Variants in SH3PXD2B observed in about 807,000 individuals in gnomAD.
The protein encoded by SH3PXD2B is SH3 and PX domain-containing protein 2B.
In SH3PXD2B, 37 loss-of-function variants were observed where a neutral mutation model predicts 73.1. That is an observed-to-expected ratio of 0.51 (90% CI 0.39 to 0.67). The LOEUF is 0.67. SH3PXD2B is among the 30% of genes least tolerant of loss of function. The pLI, the probability that SH3PXD2B is intolerant of heterozygous loss-of-function variation, is 0.00. For synonymous variants in SH3PXD2B, 457 were observed against 480.5 expected, an observed-to-expected ratio of 0.95 and a Z score of 0.64; for missense variants, 1,053 against 1,197.8, an observed-to-expected ratio of 0.88 and a Z score of 1.78.
chr5:172,369,463 G>A (rs1757653581), intron 6 of SH3PXD2B, among the ~76,000 whole-genome samples: 1 of 152,032 alleles, frequency 6.6e-6, no homozygotes, highest in African/African-American at 2.4e-5. Context: ...CTGAATGAAG[G>A]AAGGAACAGT....
intron 1 of SH3PXD2B, among the ~76,000 whole-genome samples, chr5:172,439,022 T>G (rs1035366227): frequency 1.3e-5 from 2 of 151,562 alleles, no homozygotes; most frequent in African/African-American, 4.9e-5. Context: ...GCAGATCACC[T>G]GAGGTCGGGA....
chr5:172,412,479 T>C (rs1758723030), intron 2 of SH3PXD2B, among the ~76,000 whole-genome samples: 2 of 152,236 alleles, frequency 1.3e-5, no homozygotes, highest in Admixed American at 6.5e-5. Context: ...ATCCTCCTAT[T>C]TAAACCACAT....
At chr5:172,386,562 T>C (rs1214052983) in intron 4 of SH3PXD2B, among the ~76,000 whole-genome samples, 1 of 146,756 alleles carries the variant, frequency 6.8e-6, no homozygotes, top group Admixed American at 6.9e-5. Context: ...AAAAACGTTT[T>C]CTGTTGTTGT....
rs545803015 is a variant in SH3PXD2B, at chr5:172,428,173, C to G, written c.76-5677G>C. ...AAAACTTTCTCCATGGCACAGCCTT[C>G]AAAACATGAGCTGCACATCTGAGAA... On this transcript the variant is annotated intron_variant, in intron 1 of 12. Coordinates refer to ENST00000311601, the MANE Select transcript of SH3PXD2B (RefSeq NM_001017995.3). Among the ~76,000 whole-genome samples, 7 of 152,306 alleles carry G rather than the reference C, an allele frequency of 4.6e-5. No individual in the cohort carries two copies. The East Asian group carries it at 7.7e-4, about 17-fold the overall frequency.
At chr5:172,347,125 C>A (rs996864377) in intron 11 of SH3PXD2B, among the ~76,000 whole-genome samples, 158 bp downstream of exon 11, 3 of 152,120 alleles carry the variant, frequency 2.0e-5, no homozygotes, top group African/African-American at 4.8e-5. Context: ...TTTCCACCTG[C>A]GAGTGGGACT....
In SH3PXD2B at chr5:172,338,422, C is replaced by T. The variant is rs767533330; in HGVS notation, c.2683G>A (p.Ala895Thr). The part of the protein sequence containing the change: ...GWWFCQVLSG[A>T]PSWEGWIPSN... ...GGAATCCACCCTTCCCAGGAAGGGG[C>T]TCCGCTCAGGACCTGGCAGAACCAC... The change falls in exon 13 of 13, where the codon GCC becomes ACC. Residue 895 changes from alanine (A) to threonine (T), a missense_variant. By Grantham distance (58) the Ala-to-Thr change is moderately conservative (BLOSUM62 0). Around this residue, in one of 2 missense-constraint regions of SH3PXD2B, gnomAD observed 587 missense variants for 590.7 expected, o/e 0.99. Transcript: ENST00000311601. The surrounding 1 kb of genome is among the most constrained non-coding windows in gnomAD (Gnocchi z 5.1). 4 of 1,614,216 alleles carry T rather than the reference C, an allele frequency of 2.5e-6. No homozygotes were observed. The highest frequency in any genetic ancestry group is 1.7e-5 in the Admixed American group (1 of 60,032).
chr5:172,338,075 G>C lies in SH3PXD2B; in HGVS notation c.*294C>G. On this transcript the variant is annotated 3_prime_UTR_variant, in exon 13 of 13. Transcript: ENST00000311601. This position sits in a 1 kb window ranked among gnomAD's most constrained non-coding sequence, Gnocchi z 5.1. ...TTGGAGAGTCTTGGTCCCACTGCTG[G>C]GTGGCAATGCCATTGGCCAGGAGGA... is the stretch of plus-strand genomic sequence containing the variant. 7.5e-7 allele frequency: 1 copy of C among 1,328,112 alleles called. No homozygotes were observed. The highest frequency in any genetic ancestry group is 9.7e-7 in the Non-Finnish European group (1 of 1,033,770). 82.3% of individuals were successfully genotyped at this position (1,328,112 alleles called of 1,614,324 possible).
At chr5:172,410,550 C>T (rs550651223) in intron 2 of SH3PXD2B, among the ~76,000 whole-genome samples, 1 of 152,192 alleles carries the variant, frequency 6.6e-6, no homozygotes, top group East Asian at 1.9e-4. Context: ...GGACAAGGGG[C>T]TATGCTCTGT....
At chr5:172,329,077 A>T (rs1218866509), downstream of SH3PXD2B, among the ~76,000 whole-genome samples, 235 of 63,406 alleles carry the variant, frequency 3.7e-3, no homozygotes, top group African/African-American at 0.012. Context: ...ATATATATAT[A>T]TATATATTTT....
At position 172,353,890 on chromosome 5, in the gene SH3PXD2B, G is replaced by C; in HGVS notation, c.783C>G (p.Ile261Met). Residue 261 changes from isoleucine to methionine, a missense_variant and splice_region_variant, in exon 9 of 13, where the codon ATC becomes ATG. By Grantham distance (10) the Ile-to-Met change is conservative (BLOSUM62 1). Around this residue, in one of 2 missense-constraint regions of SH3PXD2B, gnomAD observed 466 missense variants for 607.1 expected, o/e 0.77. Transcript: ENST00000311601. This position sits in a 1 kb window ranked among gnomAD's most constrained non-coding sequence, Gnocchi z 4.3. ...CCGTGGGGGGCAGCGGCTGGTACCT[G>C]ATCTTCCACCAGCCTTCCAGGTTTT... is the stretch of plus-strand genomic sequence containing the variant. ...IQKNLEGWWK[I>M]RYQGKEGWAP... 6.2e-7 allele frequency: 1 copy of C among 1,613,494 alleles called. No individual in the cohort carries two copies. The highest frequency in any genetic ancestry group is 1.3e-5 in the African/African-American group (1 of 75,004).
chr5:172,365,754 G>A (rs549850466), intron 6 of SH3PXD2B, among the ~76,000 whole-genome samples: 2 of 152,314 alleles, frequency 1.3e-5, no homozygotes, highest in East Asian at 3.9e-4. Context: ...GACTGCCTCT[G>A]AACCACCTGG....
At chr5:172,392,091 G>T (rs28822423) in intron 4 of SH3PXD2B, among the ~76,000 whole-genome samples, 3,388 of 145,974 alleles carry the variant, frequency 0.023, 133 homozygotes, top group African/African-American at 0.08. Context: ...ATAGTGTTTT[G>T]CTCTCCACCC....
chr5:172,325,550 T>A (rs2113207504), intron 12 of SH3PXD2B, among the ~76,000 whole-genome samples: 1 of 152,310 alleles, frequency 6.6e-6, no homozygotes, highest in South Asian at 2.1e-4. Context: ...AAGACCATGA[T>A]CAAGGCCTTG....
chr5:172,331,309 C>A (rs1371144833), downstream of SH3PXD2B, among the ~76,000 whole-genome samples: 1 of 152,154 alleles, frequency 6.6e-6, no homozygotes, highest in Non-Finnish European at 1.5e-5. Context: ...CAGGGTGGAG[C>A]ATGCGGATTA....
chr5:172,364,806 A>G (rs1178535406), intron 6 of SH3PXD2B, among the ~76,000 whole-genome samples: 1 of 152,196 alleles, frequency 6.6e-6, no homozygotes, highest in Non-Finnish European at 1.5e-5. Context: ...TGGTAGCTCG[A>G]AATTGGCCAT....
intron 10 of SH3PXD2B, among the ~76,000 whole-genome samples, chr5:172,349,563 T>C (rs905479321): frequency 1.3e-5 from 2 of 152,186 alleles, no homozygotes; most frequent in African/African-American, 4.8e-5. Context: ...TTCCTCTGGC[T>C]TAGAAACGAG....
chr5:172,336,202 A>C lies in SH3PXD2B; in HGVS notation c.*2167T>G, dbSNP rs1220605661. On this transcript the variant is annotated 3_prime_UTR_variant, in exon 13 of 13. Coordinates refer to ENST00000311601, the MANE Select transcript of SH3PXD2B (RefSeq NM_001017995.3). ...AAAGGCAAAGAGCAAATCAGAAAAA[A>C]ACATGTGTTTTGTCTTTTGAAATGC... The C allele has an allele frequency of 1.0e-6, 1 of 985,496 alleles. No homozygotes were observed. The highest frequency in any genetic ancestry group is 1.2e-6 in the Non-Finnish European group (1 of 830,042). The allele number at this position is 985,496 out of a possible 1,614,324, so 61.0% of individuals were successfully genotyped here.
At position 172,338,594 on chromosome 5, in the gene SH3PXD2B, C is replaced by T. The variant is rs1440914415; in HGVS notation, c.2511G>A (p.Glu837=). The change falls in exon 13 of 13, where the codon GAG becomes GAA. Residue 837 remains glutamate (E), a synonymous_variant. Transcript: ENST00000311601. The surrounding 1 kb of genome is among the most constrained non-coding windows in gnomAD (Gnocchi z 5.1). ...WGTGKIGENR[E]KAAAASVPNA... ...TGGGGACAGAGGCTGCAGCTGCTTT[C>T]TCCCTGTTTTCTCCAATCTTGCCGG... 6.2e-7 allele frequency: 1 copy of T among 1,614,118 alleles called. No homozygotes were observed. The highest frequency in any genetic ancestry group is 1.1e-5 in the South Asian group (1 of 91,074).
chr5:172,377,857 A>G (rs190967089), intron 5 of SH3PXD2B, among the ~76,000 whole-genome samples: 108 of 152,264 alleles, frequency 7.1e-4, no homozygotes, highest in African/African-American at 2.6e-3. Flanking sequence ...TTGTGTATGC[A>G]TGGGTGCCTG....
Sources: allele counts gnomAD v4.1 joint callset (sites outside exome capture counted in the v4.1 genomes callset), GRCh38; gene constraint gnomAD v4.1.1; regional missense constraint gnomAD v4.1.1; non-coding constraint Gnocchi (gnomAD v3.1); transcripts MANE v1.5; gene names NCBI Gene and HGNC (gene_info 2026-07-23, HGNC 2026-07-21).